Variants in DNAH9 observed in about 807,000 individuals in gnomAD.
The protein encoded by DNAH9 is dynein axonemal heavy chain 9.
A neutral mutation model predicts 471.6 loss-of-function variants in DNAH9; 345 were observed. That is an observed-to-expected ratio of 0.73 (90% CI 0.67 to 0.80). The LOEUF is 0.80. DNAH9 is among the 30% of genes least tolerant of loss of function. The pLI, the probability that DNAH9 is intolerant of heterozygous loss-of-function variation, is 0.00. For synonymous variants in DNAH9, 2,093 were observed against 2,123.6 expected (o/e 0.99, Z 0.40); for missense variants, 5,407 against 5,609.2 (o/e 0.96, Z 1.15).
chr17:11,966,299 C>T (rs780729065), intron 68 of DNAH9, among the ~76,000 whole-genome samples: 19 of 152,306 alleles, frequency 1.2e-4, no homozygotes, highest in Non-Finnish European at 1.6e-4. Context: ...GAAGGCAGTA[C>T]GATGGCATAG....
intron 39 of DNAH9, among the ~76,000 whole-genome samples, chr17:11,783,251 G>A (rs1968735376): frequency 2.0e-5 from 3 of 152,186 alleles, no homozygotes; most frequent in African/African-American, 4.8e-5. Flanking sequence ...ACCAGAGATG[G>A]AAGCTAAGAA....
chr17:11,825,337 C>T (rs2150944506), intron 48 of DNAH9, among the ~76,000 whole-genome samples: 1 of 152,294 alleles, frequency 6.6e-6, no homozygotes, highest in South Asian at 2.1e-4. Context: ...TCACCGCCTA[C>T]CATGCCCTCA....
intron 22 of DNAH9, among the ~76,000 whole-genome samples, chr17:11,695,316 C>T (rs2074456918): frequency 6.6e-6 from 1 of 152,088 alleles, no homozygotes; most frequent in Non-Finnish European, 1.5e-5. Flanking sequence ...TGAGGCTTGG[C>T]AGAGAATGCC....
chr17:11,930,086 T>G lies in DNAH9; in HGVS notation c.12098T>G (p.Phe4033Cys). 6.2e-7 allele frequency: 1 copy of G among 1,613,434 alleles called. No homozygotes were observed. Among genetic ancestry groups the G allele is most frequent in the Non-Finnish European group, 8.5e-7 (1 of 1,179,750 alleles). ...HANLHKALDN[F>C]TQDTLEMCSR... is the part of the protein sequence containing the mutation. The stretch of plus-strand genomic sequence containing the variant: ...AACCTGCACAAGGCCCTGGACAACT[T>G]CACTCAGGTACGGCCCCGGGAGGGA... The change falls in exon 63 of 69, where the codon TTC becomes TGC. Residue 4033 changes from phenylalanine (F) to cysteine (C), a missense_variant. Physicochemically the swap from Phe to Cys is radical, Grantham distance 205. Coordinates refer to ENST00000262442, the MANE Select transcript of DNAH9 (RefSeq NM_001372.4).
In DNAH9 at chr17:11,710,895, C is replaced by T. The variant is rs187161004; in HGVS notation, c.5552+5710C>T. ...TGGCCGAAAAAAGACTTATCTCACA[C>T]ATCTGGAAAATGAGTCCAGCTTGCT... On this transcript the variant is annotated intron_variant, in intron 26 of 68. Transcript: ENST00000262442. 2.5e-4 allele frequency among the ~76,000 whole-genome samples: 38 copies of T among 152,282 alleles called. 1 individual carries two copies. The East Asian group carries it at 7.2e-3, about 29-fold the overall frequency.
intron 62 of DNAH9, among the ~76,000 whole-genome samples, chr17:11,928,819 G>A (rs1033497282): frequency 6.6e-6 from 1 of 152,162 alleles, no homozygotes; most frequent in African/African-American, 2.4e-5. Context: ...AAATGTTAAC[G>A]TATGTACCAA....
At chr17:11,838,776 AT>A (rs1374221747) in intron 49 of DNAH9, among the ~76,000 whole-genome samples, 1 of 152,154 alleles carries the variant, frequency 6.6e-6, no homozygotes, top group African/African-American at 2.4e-5. Flanking sequence ...TTTTTATGAA[AT>A]AGAGTGGTCC....
Position 11,903,546 on chromosome 17 carries a change from AAAG to A in DNAH9, c.11600+638_11600+640del, listed in dbSNP as rs1973485542. Among the ~76,000 whole-genome samples the A allele has an allele frequency of 1.3e-5, 2 of 152,168 alleles. 1 individual carries two copies. Among genetic ancestry groups the A allele is most frequent in the South Asian group, 4.1e-4 (2 of 4,834 alleles). The stretch of plus-strand genomic sequence containing the variant: ...TCAATAAAGTTATTTTTAAAAGAAA[AAAG>A]AAGTTGTAGGCCGTGGAGTCTATAC... On this transcript the variant is annotated intron_variant, in intron 60 of 68. Coordinates refer to ENST00000262442, the MANE Select transcript of DNAH9 (RefSeq NM_001372.4).
chr17:11,937,669 G>A lies in DNAH9; in HGVS notation c.12660+147G>A. ...ACCTGCAGCCTGGAGATGCTTGCCTGTCACCGCCAAGAGCCTCTCCCCTCC... is the reference window on the plus strand; with the variant it reads ...ACCTGCAGCCTGGAGATGCTTGCCTATCACCGCCAAGAGCCTCTCCCCTCC... On this transcript the variant is annotated intron_variant, in intron 66 of 68. Transcript: ENST00000262442. This position sits in a 1 kb window ranked among gnomAD's most constrained non-coding sequence, Gnocchi z 4.1. 1.2e-6 allele frequency: 1 copy of A among 840,802 alleles called. No individual in the cohort carries two copies. The highest frequency in any genetic ancestry group is 1.7e-6 in the Non-Finnish European group (1 of 592,562). The allele number at this position is 840,802 out of a possible 1,614,324, so 52.1% of individuals were successfully genotyped here.
In DNAH9 at chr17:11,894,520, A is replaced by C. The variant is rs1372477794; in HGVS notation, c.11406+24A>C. 5 of 1,605,408 alleles carry C rather than the reference A, an allele frequency of 3.1e-6. No homozygotes were observed. The South Asian group carries it at 5.5e-5, about 18-fold the overall frequency. On this transcript the variant is annotated intron_variant, in intron 59 of 68. Transcript: ENST00000262442. The stretch of plus-strand genomic sequence containing the variant: ...AGGTCAGTATTGACCCCTAGAAAAA[A>C]GCCAAGCTCTCATCTCTCAGAATTT...
chr17:11,850,888 G>T (rs1597732443), intron 49 of DNAH9, among the ~76,000 whole-genome samples: 1 of 152,018 alleles, frequency 6.6e-6, no homozygotes, highest in Non-Finnish European at 1.5e-5. Flanking sequence ...TTCTGTTCTG[G>T]ACACTGGGGC....
At chr17:11,678,775 T>C (rs928421742) in intron 17 of DNAH9, among the ~76,000 whole-genome samples, 3 of 152,160 alleles carry the variant, frequency 2.0e-5, no homozygotes, top group Non-Finnish European at 2.9e-5. Context: ...ACATTGCGTG[T>C]CTTTCAGCAA....
rs57983162 is a variant in DNAH9, at chr17:11,778,329, C to CAA, written c.7553-2648_7553-2647dup. ...TGGGCGACAGAGTGAGACTCCATCT[C>CAA]AAAAAAAAAAAAAAAAAAAAAAAAA... On this transcript the variant is annotated intron_variant, in intron 38 of 68. Transcript: ENST00000262442. Among the ~76,000 whole-genome samples the CAA allele has an allele frequency of 9.1e-3, 444 of 48,586 alleles. 14 individuals carry two copies. The highest frequency in any genetic ancestry group is 0.027 in the East Asian group (36 of 1,312). The allele number at this position is 48,586 out of a possible 152,430, so 31.9% of individuals were successfully genotyped here.
rs1467641828 is a variant in DNAH9, at chr17:11,619,630, C to T, written c.1199C>T (p.Thr400Ile). The change falls in exon 6 of 69, where the codon ACT becomes ATT. Residue 400 changes from threonine to isoleucine, a missense_variant. Around this residue, in one of 3 missense-constraint regions of DNAH9, gnomAD observed 767 missense variants for 692.5 expected, o/e 1.11. Coordinates refer to ENST00000262442, the MANE Select transcript of DNAH9 (RefSeq NM_001372.4). ...AGAAAACTGCAAGTGGTCTCAGACA[C>T]TTTGAGCTTCTTCAAGCAAGAGTTT... ...SQRKLQVVSD[T>I]LSFFKQEFQD... is the part of the protein sequence containing the mutation. 1 of 1,614,038 alleles carries T rather than the reference C, an allele frequency of 6.2e-7. No individual in the cohort carries two copies. The highest frequency in any genetic ancestry group is 2.2e-5 in the East Asian group (1 of 44,882).
At chr17:11,728,003 C>T in intron 28 of DNAH9, 81 bp downstream of exon 28, 1 of 878,712 alleles carries the variant, frequency 1.1e-6, no homozygotes, top group Non-Finnish European at 1.9e-6. Context: ...TTTTCTACCT[C>T]TCCTGAGCAT....
Position 11,664,933 on chromosome 17 carries a change from T to C in DNAH9, c.2696T>C (p.Ile899Thr). The change falls in exon 15 of 69, where the codon ATT becomes ACT. Residue 899 changes from isoleucine (I) to threonine (T), a missense_variant. By Grantham distance (89) the Ile-to-Thr change is moderately conservative. Coordinates refer to ENST00000262442, the MANE Select transcript of DNAH9 (RefSeq NM_001372.4). ...TTGCTGAATGGATTCTTTCTTGCCA[T>C]TGAGTGCTCCCTCAAGTATCTTCTG... ...NLLLNGFFLA[I>T]ECSLKYLLEN... The C allele has an allele frequency of 6.2e-7, 1 of 1,613,700 alleles. No homozygotes were observed. The highest frequency in any genetic ancestry group is 8.5e-7 in the Non-Finnish European group (1 of 1,179,644).
intron 26 of DNAH9, among the ~76,000 whole-genome samples, chr17:11,718,419 A>G (rs8066533): frequency 0.047 from 7,113 of 152,368 alleles, 549 homozygotes; most frequent in African/African-American, 0.16. Flanking sequence ...ATATTGTGCT[A>G]CGCACAAGTC....
chr17:11,680,648 G>A, intron 18 of DNAH9, 75 bp from the exon 19 acceptor site: 3 of 1,296,612 alleles, frequency 2.3e-6, no homozygotes, highest in Non-Finnish European at 3.3e-6. Flanking sequence ...AAGCATCTGG[G>A]CTCTGTCCAG....
chr17:11,614,286 T>C (rs1036258412), intron 4 of DNAH9, among the ~76,000 whole-genome samples: 2 of 151,756 alleles, frequency 1.3e-5, no homozygotes, highest in African/African-American at 4.8e-5. Flanking sequence ...ATTGACCTAC[T>C]GATGAATTGG....
Sources: gnomAD v4.1 joint callset for allele counts (sites outside exome capture counted in the v4.1 genomes callset) on GRCh38, gnomAD v4.1.1 for gene constraint, gnomAD v4.1.1 regional missense constraint, Gnocchi (gnomAD v3.1) non-coding constraint, MANE v1.5 for transcripts, NCBI Gene and HGNC (gene_info 2026-07-23, HGNC 2026-07-21) for gene names.